The following ERBB4 variants were observed in gnomAD, a reference collection of about 807,000 sequenced individuals.
The protein encoded by ERBB4 is receptor tyrosine-protein kinase erbB-4.
In ERBB4, 42 loss-of-function variants were observed where a neutral mutation model predicts 158.0. The observed-to-expected ratio is 0.27, with a 90% CI of 0.21 to 0.34. ERBB4 has a LOEUF of 0.34. Among genes scored for constraint, ERBB4 ranks in the 10% least tolerant of loss-of-function variants. The pLI is 1.00. For missense variants in ERBB4, 1,333 were observed against 1,624.1 expected, an observed-to-expected ratio of 0.82 and a Z score of 3.08; for synonymous variants, 583 against 558.7, an observed-to-expected ratio of 1.04 and a Z score of -0.61.
At chr2:212,412,978 G>C (rs541978271) in intron 1 of ERBB4, among the ~76,000 whole-genome samples, 1 of 150,920 alleles carries the variant, frequency 6.6e-6, no homozygotes, top group Non-Finnish European at 1.5e-5. Flanking sequence ...TTGTTTGTTT[G>C]TTTTTTTGAG....
intron 2 of ERBB4, among the ~76,000 whole-genome samples, chr2:212,048,896 G>A (rs576904009): frequency 6.6e-5 from 10 of 152,238 alleles, no homozygotes; most frequent in East Asian, 5.8e-4. Context: ...ATAAGGAGAG[G>A]AAGTCCTACA....
chr2:211,544,336 G>A (rs528062403), intron 20 of ERBB4, among the ~76,000 whole-genome samples: 1 of 152,138 alleles, frequency 6.6e-6, no homozygotes, highest in East Asian at 1.9e-4. Context: ...CAGGAAATAA[G>A]AGCTTTTTTC....
chr2:211,388,574 T>G (rs577756267), intron 25 of ERBB4, among the ~76,000 whole-genome samples: 1 of 149,260 alleles, frequency 6.7e-6, no homozygotes, highest in East Asian at 2.0e-4. Context: ...TTTTTTTTGT[T>G]TTTTTTTTTT....
chr2:211,651,329 T>C (rs1267868822), intron 16 of ERBB4, among the ~76,000 whole-genome samples: 1 of 152,094 alleles, frequency 6.6e-6, no homozygotes, highest in Non-Finnish European at 1.5e-5. Context: ...AGAATAATAA[T>C]CAAGTTTCCT....
chr2:211,604,779 T>G (rs961615605), intron 19 of ERBB4, among the ~76,000 whole-genome samples: 28 of 152,326 alleles, frequency 1.8e-4, no homozygotes, highest in Admixed American at 1.8e-3. Context: ...TGCATTTCAC[T>G]TAAGGTGATG....
intron 3 of ERBB4, among the ~76,000 whole-genome samples, chr2:211,871,797 C>T (rs1027896695): frequency 6.6e-6 from 1 of 152,084 alleles, no homozygotes; most frequent in Non-Finnish European, 1.5e-5. Flanking sequence ...GTGACAGCTA[C>T]GGCTATTAGT....
chr2:212,430,877 T>C (rs1277780146), intron 1 of ERBB4, among the ~76,000 whole-genome samples: 2 of 151,872 alleles, frequency 1.3e-5, no homozygotes, highest in Non-Finnish European at 2.9e-5. Flanking sequence ...ACAGAGACAG[T>C]GACACAAAGA....
At chr2:211,716,662 C>T (rs577952275) in intron 7 of ERBB4, among the ~76,000 whole-genome samples, 5 of 151,410 alleles carry the variant, frequency 3.3e-5, no homozygotes, top group African/African-American at 9.7e-5. Context: ...GGCGACAGAG[C>T]GAGACTCCGT....
intron 20 of ERBB4, among the ~76,000 whole-genome samples, chr2:211,476,995 CAG>C (rs1183888080): frequency 2.0e-5 from 3 of 152,054 alleles, no homozygotes; most frequent in Non-Finnish European, 4.4e-5. Context: ...GCCATAGTCT[CAG>C]AGATTTGGGG....
chr2:211,727,560 T>C lies in ERBB4; in HGVS notation c.623-2366A>G, dbSNP rs10190794. Among the ~76,000 whole-genome samples, 314 of 152,074 alleles carry C rather than the reference T, an allele frequency of 2.1e-3. 1 individual carries two copies. Among genetic ancestry groups the C allele is most frequent in the African/African-American group, 7.4e-3 (306 of 41,496 alleles). The stretch of plus-strand genomic sequence containing the variant: ...TATTTATCAGAGAGATAAAAAGGTG[T>C]ATAGAGTTAAAGAGATAGGTCACTA... On this transcript the variant is annotated intron_variant, in intron 5 of 27. Transcript: ENST00000342788.
chr2:211,854,256 G>A (rs1425642109), intron 3 of ERBB4, among the ~76,000 whole-genome samples: 3 of 152,006 alleles, frequency 2.0e-5, no homozygotes, highest in African/African-American at 7.2e-5. Flanking sequence ...ATTTGAGCAG[G>A]AAAAATAAAC....
At chr2:212,191,799 TTATA>T (rs577574518) in intron 1 of ERBB4, among the ~76,000 whole-genome samples, 7 of 136,298 alleles carry the variant, frequency 5.1e-5, no homozygotes, top group Admixed American at 1.5e-4. Flanking sequence ...GTTCTATATG[TTATA>T]TATAATACAT....
chr2:212,398,420 C>T (rs1200162906), intron 1 of ERBB4, among the ~76,000 whole-genome samples: 1 of 152,090 alleles, frequency 6.6e-6, no homozygotes, highest in Non-Finnish European at 1.5e-5. Flanking sequence ...CCACACTTCT[C>T]TGAAAACATA....
rs1391614839 is a variant in ERBB4 at position 212,430,406 on chromosome 2, CTT to C, written c.82+108041_82+108042del. Among the ~76,000 whole-genome samples, 5 of 150,882 alleles carry C rather than the reference CTT, an allele frequency of 3.3e-5. No homozygotes were observed. In the East Asian group the frequency reaches 9.7e-4, roughly 29 times the overall value. On this transcript the variant is annotated intron_variant, in intron 1 of 27. Coordinates refer to ENST00000342788, the MANE Select transcript of ERBB4 (RefSeq NM_005235.3). ...TTTCTATCTACAGTCAGTTATGTCT[CTT>C]TGCAGGTTGCAATTACTTCGCATGT...
intron 1 of ERBB4, among the ~76,000 whole-genome samples, chr2:212,403,250 AT>A (rs2091259554): frequency 6.6e-6 from 1 of 152,116 alleles, no homozygotes; most frequent in African/African-American, 2.4e-5. Context: ...AAAAGTAAAT[AT>A]TTTAATGAAA....
At chr2:211,909,422 C>T (rs1406772030) in intron 3 of ERBB4, among the ~76,000 whole-genome samples, 6 of 151,612 alleles carry the variant, frequency 4.0e-5, no homozygotes, top group Admixed American at 3.3e-4. Flanking sequence ...GTAAAGTACA[C>T]TGTATTTACA....
At chr2:211,728,450 T>G (rs1424968687) in intron 5 of ERBB4, among the ~76,000 whole-genome samples, 1 of 151,694 alleles carries the variant, frequency 6.6e-6, no homozygotes, top group African/African-American at 2.4e-5. Flanking sequence ...AAGTGGTATA[T>G]TTGTTTAGAT....
At chr2:211,878,965 T>C (rs1211971431) in intron 3 of ERBB4, among the ~76,000 whole-genome samples, 1 of 152,184 alleles carries the variant, frequency 6.6e-6, no homozygotes, top group Middle Eastern at 3.2e-3. Flanking sequence ...GATACTCTCC[T>C]AGGTGCTTTT....
At chr2:212,421,983 A>C (rs1205924189) in intron 1 of ERBB4, among the ~76,000 whole-genome samples, 2 of 152,214 alleles carry the variant, frequency 1.3e-5, no homozygotes, top group Non-Finnish European at 2.9e-5. Context: ...CATGCAGAAA[A>C]GAGTTATTAC....
Sources: gnomAD v4.1 joint callset for allele counts (sites outside exome capture counted in the v4.1 genomes callset) on GRCh38, gnomAD v4.1.1 for gene constraint, MANE v1.5 for transcripts, NCBI Gene and HGNC (gene_info 2026-07-23, HGNC 2026-07-21) for gene names.